The following PLEKHA2 variants were observed in gnomAD, a reference collection of about 807,000 sequenced individuals.
PLEKHA2 encodes pleckstrin homology domain containing A2, also known as pleckstrin homology domain-containing family A member 2.
A neutral mutation model predicts 53.2 loss-of-function variants in PLEKHA2; 28 were observed. The ratio of observed to expected loss-of-function variants is 0.53; its 90% CI spans 0.39 to 0.72. The LOEUF is 0.72. Among genes scored for constraint, PLEKHA2 ranks in the 30% least tolerant of loss-of-function variants. The pLI, the probability that PLEKHA2 is intolerant of heterozygous loss-of-function variation, is 0.00. For missense variants in PLEKHA2, 426 were observed against 537.9 expected (o/e 0.79, Z 2.06); for synonymous variants, 193 against 196.4 (o/e 0.98, Z 0.14).
intron 2 of PLEKHA2, among the ~76,000 whole-genome samples, chr8:38,932,835 T>C (rs1834418033): frequency 6.6e-6 from 1 of 152,200 alleles, no homozygotes; most frequent in Non-Finnish European, 1.5e-5. Flanking sequence ...CATATTTTCC[T>C]GGCTTCTCCT....
intron 1 of PLEKHA2, among the ~76,000 whole-genome samples, 163 bp downstream of exon 1, chr8:38,901,608 A>G (rs1457006094): frequency 2.0e-5 from 3 of 151,886 alleles, no homozygotes; most frequent in Non-Finnish European, 2.9e-5. Flanking sequence ...AGTGGCTGAC[A>G]GGCGAGGGGA....
rs189360192 is a variant in PLEKHA2, at chr8:38,921,046, C to T, written c.141+2976C>T. On this transcript the variant is annotated intron_variant, in intron 2 of 11. Coordinates refer to ENST00000617275, the MANE Select transcript of PLEKHA2 (RefSeq NM_021623.2). The stretch of plus-strand genomic sequence containing the variant: ...GAACTCCTGACGTCAGGTGATCCAC[C>T]GGCCTCGGCCTCCCAAAGTGCTGGG... Among the ~76,000 whole-genome samples the T allele has an allele frequency of 9.8e-4, 149 of 152,262 alleles. 1 individual carries two copies. The highest frequency in any genetic ancestry group is 3.3e-3 in the African/African-American group (138 of 41,548).
At chr8:38,912,483 T>C (rs892830476) in intron 1 of PLEKHA2, among the ~76,000 whole-genome samples, 3 of 152,128 alleles carry the variant, frequency 2.0e-5, no homozygotes, top group Non-Finnish European at 4.4e-5. Context: ...CACTCCCCTT[T>C]CTCCCCTCAC....
chr8:38,956,019 G>T (rs1834933038), intron 9 of PLEKHA2, among the ~76,000 whole-genome samples: 1 of 152,104 alleles, frequency 6.6e-6, no homozygotes, highest in Non-Finnish European at 1.5e-5. Context: ...TCACCATGTT[G>T]TCCAGGCTGG....
At chr8:38,926,993 A>C (rs1381682109) in intron 2 of PLEKHA2, among the ~76,000 whole-genome samples, 1 of 152,200 alleles carries the variant, frequency 6.6e-6, no homozygotes, top group East Asian at 1.9e-4. Context: ...AGTTAGCACT[A>C]CTCAGTATTA....
At position 38,901,346 on chromosome 8, in the gene PLEKHA2, A is replaced by AG; in HGVS notation, c.-122dup. On this transcript the variant is annotated 5_prime_UTR_variant, in exon 1 of 12. Transcript: ENST00000617275. ...GAGAGGCGCGGAGAGTTTGGCAGGC[A>AG]GACCCAGAAATCCCTGGAGCGCGGC... 1 of 152,232 alleles carries AG rather than the reference A, an allele frequency of 6.6e-6. No homozygotes were observed. The allele number at this position is 152,232 out of a possible 1,614,324, so 9.4% of individuals were successfully genotyped here. A position where few individuals can be genotyped will look rare whatever the true frequency, so the allele number is the denominator to read the frequency against.
intron 2 of PLEKHA2, among the ~76,000 whole-genome samples, chr8:38,928,637 A>G (rs1340036237): frequency 6.6e-6 from 1 of 152,148 alleles, no homozygotes; most frequent in African/African-American, 2.4e-5. Context: ...CACACAATGA[A>G]ACTTATCCTG....
rs1834860086 is a variant in PLEKHA2, at chr8:38,952,310, G to T, written c.631G>T (p.Val211Leu). ...KSGYCVKQGN[V>L]RKSWKRRFFA... ...TGGTTACTGCGTGAAGCAAGGGAAT[G>T]TGGTGAGTGTCAGCACAGGGGCTGA... Residue 211 changes from valine to leucine, a missense_variant and splice_region_variant, in exon 7 of 12, where the codon GTG (valine) becomes TTG (leucine). By Grantham distance (32) the Val-to-Leu change is conservative. Coordinates refer to ENST00000617275, the MANE Select transcript of PLEKHA2 (RefSeq NM_021623.2). 2 of 1,612,452 alleles carry T rather than the reference G, an allele frequency of 1.2e-6. No individual in the cohort carries two copies. Among genetic ancestry groups the T allele is most frequent in the Non-Finnish European group, 1.7e-6 (2 of 1,179,352 alleles).
At chr8:38,931,354 A>G (rs1009788851) in intron 2 of PLEKHA2, among the ~76,000 whole-genome samples, 4 of 152,172 alleles carry the variant, frequency 2.6e-5, no homozygotes, top group Non-Finnish European at 5.9e-5. Flanking sequence ...CCCACCACCC[A>G]CCGGCTCCAC....
chr8:38,966,103 G>A (rs1385059077), intron 10 of PLEKHA2, among the ~76,000 whole-genome samples: 1 of 152,118 alleles, frequency 6.6e-6, no homozygotes, highest in African/African-American at 2.4e-5. Flanking sequence ...ACACGTTAGA[G>A]AGGTGTTCAC....
intron 1 of PLEKHA2, among the ~76,000 whole-genome samples, chr8:38,910,795 A>G (rs959123834): frequency 2.0e-5 from 3 of 152,198 alleles, no homozygotes; most frequent in Non-Finnish European, 4.4e-5. Context: ...AATTGTAGAG[A>G]AATGGTTATG....
In PLEKHA2 at chr8:38,950,889, C is replaced by G. The variant is rs1214753337; in HGVS notation, c.385C>G (p.Leu129Val). ...GGGLPMTTEV[L>V]KSLAAPPALE... ...GGGCCTACCCATGACCACTGAAGTTCTCAAGAGCTTAGCAGCTCCTCCAGC... is the reference window on the plus strand; with the variant it reads ...GGGCCTACCCATGACCACTGAAGTTGTCAAGAGCTTAGCAGCTCCTCCAGC... Residue 129 changes from leucine to valine, a missense_variant, in exon 6 of 12, where the codon CTC becomes GTC. Coordinates refer to ENST00000617275, the MANE Select transcript of PLEKHA2 (RefSeq NM_021623.2). 6.2e-7 allele frequency: 1 copy of G among 1,613,992 alleles called. No homozygotes were observed. Among genetic ancestry groups the G allele is most frequent in the Admixed American group, 1.7e-5 (1 of 60,022 alleles).
At chr8:38,937,570 C>T (rs1234771330) in intron 3 of PLEKHA2, among the ~76,000 whole-genome samples, 2 of 152,046 alleles carry the variant, frequency 1.3e-5, no homozygotes. Flanking sequence ...AAATGCAGCT[C>T]AGATGAGGGT....
At chr8:38,949,090 C>G (rs553434317) in intron 5 of PLEKHA2, among the ~76,000 whole-genome samples, 3 of 152,138 alleles carry the variant, frequency 2.0e-5, no homozygotes, top group African/African-American at 7.2e-5. Flanking sequence ...AGGCTAGTCT[C>G]GAACTCCCGA....
At chr8:38,911,244 C>CT (rs11368379) in intron 1 of PLEKHA2, among the ~76,000 whole-genome samples, 97,213 of 148,542 alleles carry the variant, frequency 0.65, 31,696 homozygotes, top group Admixed American at 0.71. Context: ...TGAACACTTT[C>CT]TTTTTTTTTT....
At position 38,932,597 on chromosome 8, in the gene PLEKHA2, A is replaced by G. The variant is rs996881090; in HGVS notation, c.142-3397A>G. 1.3e-5 allele frequency among the ~76,000 whole-genome samples: 2 copies of G among 152,146 alleles called. 1 individual carries two copies. The highest frequency in any genetic ancestry group is 4.1e-4 in the South Asian group (2 of 4,828). ...GGCTAACCAGGCCCTCAGCTCAGGC[A>G]TCCCCACTCTGTCTTCCTTGATCAG... is the stretch of plus-strand genomic sequence containing the variant. On this transcript the variant is annotated intron_variant, in intron 2 of 11. Coordinates refer to ENST00000617275, the MANE Select transcript of PLEKHA2 (RefSeq NM_021623.2).
chr8:38,952,095 A>C, intron 6 of PLEKHA2, 71 bp from the exon 7 acceptor site: 2 of 1,532,168 alleles, frequency 1.3e-6, no homozygotes, highest in South Asian at 2.4e-5. Flanking sequence ...AGATTCAGGC[A>C]GAGGGAGGTA....
At chr8:38,959,138 A>C (rs1834997971) in intron 10 of PLEKHA2, among the ~76,000 whole-genome samples, 1 of 151,942 alleles carries the variant, frequency 6.6e-6, no homozygotes, top group Admixed American at 6.6e-5. Flanking sequence ...GGAATACAAA[A>C]TAAAAAAAAA....
At chr8:38,957,673 A>G (rs1834967322) in intron 10 of PLEKHA2, among the ~76,000 whole-genome samples, 1 of 152,196 alleles carries the variant, frequency 6.6e-6, no homozygotes, top group African/African-American at 2.4e-5. Flanking sequence ...GAAAAGGAGA[A>G]CCGGTCAATG....
Sources: allele counts gnomAD v4.1 joint callset (sites outside exome capture counted in the v4.1 genomes callset), GRCh38; gene constraint gnomAD v4.1.1; transcripts MANE v1.5; gene names NCBI Gene and HGNC (gene_info 2026-07-23, HGNC 2026-07-21).